Variants in JPH1 observed in about 807,000 individuals in gnomAD.
JPH1 encodes junctophilin 1, also known as junctophilin-1.
Under a neutral mutation model 53.6 loss-of-function variants are expected in JPH1, and 12 were observed. The observed-to-expected ratio is 0.22, with a 90% CI of 0.14 to 0.36. JPH1 has a LOEUF of 0.36. JPH1 is among the 10% of genes least tolerant of loss of function. The pLI is 1.00. For missense variants in JPH1, 808 were observed against 905.5 expected (o/e 0.89, Z 1.38); for synonymous variants, 375 against 363.8 (o/e 1.03, Z -0.35).
Position 74,262,237 on chromosome 8 carries a change from C to T in JPH1, c.1140-2734G>A, listed in dbSNP as rs545261968. Among the ~76,000 whole-genome samples the T allele has an allele frequency of 2.0e-5, 3 of 152,318 alleles. No individual in the cohort carries two copies. The South Asian group carries it at 6.2e-4, about 32-fold the overall frequency. On this transcript the variant is annotated intron_variant, in intron 2 of 5. Coordinates refer to ENST00000342232, the MANE Select transcript of JPH1 (RefSeq NM_020647.4). ...ACCCACTCTGAGTTTGCTGTTAACA[C>T]CAGCCTGTACAGCTAAGGCCACTGG...
At chr8:74,252,493 G>T (rs537673494) in intron 3 of JPH1, among the ~76,000 whole-genome samples, 1 of 152,130 alleles carries the variant, frequency 6.6e-6, no homozygotes, top group African/African-American at 2.4e-5. Flanking sequence ...CAACTAATGA[G>T]CAAAATAACC....
At chr8:74,237,367 G>C in intron 4 of JPH1, 64 bp from the exon 5 acceptor site, 2 of 1,244,184 alleles carry the variant, frequency 1.6e-6, no homozygotes, top group Admixed American at 4.0e-5. Flanking sequence ...TATTACCAAA[G>C]CCAATTACTG....
intron 2 of JPH1, among the ~76,000 whole-genome samples, chr8:74,274,223 C>T (rs538938063): frequency 1.4e-4 from 21 of 152,188 alleles, no homozygotes; most frequent in East Asian, 1.4e-3. Context: ...GGGCAGTGGG[C>T]GTTTTCTGGG....
chr8:74,278,257 C>A (rs1806907144), intron 2 of JPH1, among the ~76,000 whole-genome samples: 1 of 152,172 alleles, frequency 6.6e-6, no homozygotes, highest in Non-Finnish European at 1.5e-5. Context: ...GTCTCTTTGT[C>A]TGCTGCCATC....
Position 74,314,842 on chromosome 8 carries a change from C to T in JPH1, c.1139+19G>A. ...GTTCTGACCAACCCAGCAAAACCAACCACCCTGCATTTACTTACCTTGAAT... is the reference window on the plus strand; with the variant it reads ...GTTCTGACCAACCCAGCAAAACCAATCACCCTGCATTTACTTACCTTGAAT... On this transcript the variant is annotated intron_variant, in intron 2 of 5. Transcript: ENST00000342232. 6.2e-7 allele frequency: 1 copy of T among 1,613,176 alleles called. No individual in the cohort carries two copies. The highest frequency in any genetic ancestry group is 8.5e-7 in the Non-Finnish European group (1 of 1,179,844).
chr8:74,299,309 G>A (rs895901860), intron 2 of JPH1, among the ~76,000 whole-genome samples: 2 of 152,010 alleles, frequency 1.3e-5, no homozygotes, highest in Admixed American at 1.3e-4. Flanking sequence ...TTTCTTTAGG[G>A]TGTTAAGTGT....
chr8:74,297,492 G>A (rs1209803063), intron 2 of JPH1, among the ~76,000 whole-genome samples: 1 of 152,104 alleles, frequency 6.6e-6, no homozygotes, highest in African/African-American at 2.4e-5. Context: ...AGTGTGCTTC[G>A]CGGGACTCTT....
At position 74,320,881 on chromosome 8, in the gene JPH1, C is replaced by T. The variant is rs1808298722; in HGVS notation, c.379+28G>A. On this transcript the variant is annotated intron_variant, in intron 1 of 5. Coordinates refer to ENST00000342232, the MANE Select transcript of JPH1 (RefSeq NM_020647.4). The surrounding 1 kb of genome is among the most constrained non-coding windows in gnomAD (Gnocchi z 4.4). ...GAGCCCACCGCACCAGCTCGCGGAG[C>T]AGCCGAGCCGCCCGTTACGCCGCTC... The T allele has an allele frequency of 3.4e-6, 5 of 1,488,582 alleles. No individual in the cohort carries two copies. The highest frequency in any genetic ancestry group is 4.5e-6 in the Non-Finnish European group (5 of 1,120,928). The allele number at this position is 1,488,582 out of a possible 1,614,324, so 92.2% of individuals were successfully genotyped here. A position where few individuals can be genotyped will look rare whatever the true frequency, so the allele number is the denominator to read the frequency against.
chr8:74,309,180 C>A (rs1209290289), intron 2 of JPH1, among the ~76,000 whole-genome samples: 1 of 152,082 alleles, frequency 6.6e-6, no homozygotes, highest in African/African-American at 2.4e-5. Flanking sequence ...GCCACCTATC[C>A]CCATCACTGA....
chr8:74,304,751 A>G (rs930726543), intron 2 of JPH1, among the ~76,000 whole-genome samples: 2 of 152,224 alleles, frequency 1.3e-5, no homozygotes, highest in Non-Finnish European at 2.9e-5. Flanking sequence ...AAGTTTAAAA[A>G]TTAACAAAAA....
At chr8:74,244,430 G>A in intron 4 of JPH1, 99 bp downstream of exon 4, 1 of 1,319,294 alleles carries the variant, frequency 7.6e-7, no homozygotes, top group Non-Finnish European at 1.0e-6. Flanking sequence ...TAGAACCTTG[G>A]TTAGCCTGGC....
At chr8:74,253,795 G>A (rs1051470934) in intron 3 of JPH1, among the ~76,000 whole-genome samples, 1 of 152,104 alleles carries the variant, frequency 6.6e-6, no homozygotes, top group Non-Finnish European at 1.5e-5. Flanking sequence ...AAATCTAGAA[G>A]AAATGGATAA....
chr8:74,245,220 T>C (rs1586732016), intron 3 of JPH1, 45 bp from the exon 4 acceptor site: 5 of 1,487,776 alleles, frequency 3.4e-6, no homozygotes, highest in Middle Eastern at 1.9e-4. Context: ...AGGAGGTATA[T>C]ATACATATAT....
At chr8:74,314,762 A>G (rs1808090864) in intron 2 of JPH1, 99 bp downstream of exon 2, 1 of 1,345,234 alleles carries the variant, frequency 7.4e-7, no homozygotes, top group Non-Finnish European at 1.0e-6. Context: ...TAGTTGTAGA[A>G]AGCATTTAGC....
chr8:74,302,810 A>G (rs930952024), intron 2 of JPH1, among the ~76,000 whole-genome samples: 5 of 152,174 alleles, frequency 3.3e-5, no homozygotes, highest in African/African-American at 1.2e-4. Context: ...TTTTAATGAC[A>G]GGTTTTGTTT....
At chr8:74,267,941 T>C (rs1806582771) in intron 2 of JPH1, among the ~76,000 whole-genome samples, 1 of 152,028 alleles carries the variant, frequency 6.6e-6, no homozygotes, top group South Asian at 2.1e-4. Context: ...ATCCAGTGGT[T>C]TTAAGGATCC....
At chr8:74,308,203 C>G (rs1250520393) in intron 2 of JPH1, among the ~76,000 whole-genome samples, 1 of 152,216 alleles carries the variant, frequency 6.6e-6, no homozygotes, top group Non-Finnish European at 1.5e-5. Context: ...TTAGGATAAG[C>G]TGACTTCCTG....
Position 74,274,927 on chromosome 8 carries a change from A to AT in JPH1, c.1140-15425dup, listed in dbSNP as rs200152826. 5.0e-3 allele frequency among the ~76,000 whole-genome samples: 757 copies of AT among 152,324 alleles called. 5 individuals carry two copies. Among genetic ancestry groups the AT allele is most frequent in the African/African-American group, 0.017 (724 of 41,572 alleles). ...TTATATGATCATATTCACCTAGCAG[A>AT]TCTGGAGGAATTTTAGTATAGAAAC... On this transcript the variant is annotated intron_variant, in intron 2 of 5. Coordinates refer to ENST00000342232, the MANE Select transcript of JPH1 (RefSeq NM_020647.4).
At chr8:74,291,865 T>C (rs1415649654) in intron 2 of JPH1, among the ~76,000 whole-genome samples, 1 of 152,228 alleles carries the variant, frequency 6.6e-6, no homozygotes, top group Non-Finnish European at 1.5e-5. Context: ...GATGAGTTCA[T>C]GTCCTTTGTA....
Sources: allele counts gnomAD v4.1 joint callset (sites outside exome capture counted in the v4.1 genomes callset), GRCh38; gene constraint gnomAD v4.1.1; non-coding constraint Gnocchi (gnomAD v3.1); transcripts MANE v1.5; gene names NCBI Gene and HGNC (gene_info 2026-07-23, HGNC 2026-07-21).